ENOX1: variants seen among roughly 807,000 people sequenced by gnomAD.
ENOX1 encodes candidate growth-related and time keeping constitutive hydroquinone (NADH) oxidase.
A neutral mutation model predicts 82.5 loss-of-function variants in ENOX1; 42 were observed. The observed-to-expected ratio is 0.51, with a 90% CI of 0.40 to 0.66. The LOEUF (loss-of-function observed/expected upper bound fraction) is 0.66, where lower values mean the gene tolerates loss of function less well. ENOX1 is among the 30% of genes least tolerant of loss of function. The pLI is 0.00. For missense variants in ENOX1, 608 were observed against 811.6 expected (o/e 0.75, Z 3.05); for synonymous variants, 271 against 282.2 (o/e 0.96, Z 0.40).
intron 11 of ENOX1, among the ~76,000 whole-genome samples, chr13:43,314,680 T>C (rs985107882): frequency 1.3e-5 from 2 of 152,244 alleles, no homozygotes; most frequent in African/African-American, 4.8e-5. Flanking sequence ...TGTCCTACTT[T>C]AACAATGTTA....
intron 2 of ENOX1, chr13:43,545,892 C>G (rs952571567): frequency 5.9e-5 from 9 of 152,204 alleles, no homozygotes; most frequent in African/African-American, 2.2e-4. Flanking sequence ...CTACACAGAC[C>G]TCTGATAGGT....
At position 43,412,068 on chromosome 13, in the gene ENOX1, A is replaced by G. The variant is rs114446647; in HGVS notation, c.71-15T>C. On this transcript the variant is annotated splice_polypyrimidine_tract_variant and intron_variant, in intron 4 of 16. Coordinates refer to ENST00000690772, the MANE Select transcript of ENOX1 (RefSeq NM_001347969.2). ...ACCATCGGCTGCTGTGGGGAAAAAC[A>G]AACCATGATTTAGAGTCCATAGGCA... 822 of 1,612,394 alleles carry G rather than the reference A, an allele frequency of 5.1e-4. 5 individuals carry two copies. In the African/African-American group the frequency reaches 9.9e-3, roughly 19 times the overall value.
intron 3 of ENOX1, among the ~76,000 whole-genome samples, chr13:43,418,464 G>C (rs1007494569): frequency 2.6e-5 from 4 of 151,762 alleles, no homozygotes; most frequent in African/African-American, 9.7e-5. Context: ...GAAGGCAGAG[G>C]TTGCAGTGAG....
chr13:43,445,225 A>G (rs9533488), intron 3 of ENOX1, among the ~76,000 whole-genome samples: 89,544 of 150,170 alleles, frequency 0.6, 28,769 homozygotes, highest in Non-Finnish European at 0.74. Context: ...CTGGGTTCAC[A>G]CCATTCTCCT....
At position 43,579,129 on chromosome 13, in the gene ENOX1, CA is replaced by C. The variant is rs546742256; in HGVS notation, c.-219+88349del. Among the ~76,000 whole-genome samples the C allele has an allele frequency of 6.1e-4, 92 of 151,978 alleles. 1 individual carries two copies. In the South Asian group the frequency reaches 0.019, roughly 32 times the overall value. On this transcript the variant is annotated intron_variant, in intron 2 of 16. Transcript: ENST00000690772. ...TATGTCATAGGGTTGCTTGAAGACTCAAAGTGTAGAGAATAGTGTCTGGGAC... is the reference window on the plus strand; with the variant it reads ...TATGTCATAGGGTTGCTTGAAGACTCAAGTGTAGAGAATAGTGTCTGGGAC...
chr13:43,386,717 T>C (rs2052434776), intron 5 of ENOX1, among the ~76,000 whole-genome samples: 1 of 152,224 alleles, frequency 6.6e-6, no homozygotes, highest in South Asian at 2.1e-4. Context: ...AATATGATTG[T>C]CTTGGGGATT....
chr13:43,474,651 CT>C (rs2058206690), intron 3 of ENOX1, among the ~76,000 whole-genome samples: 1 of 152,136 alleles, frequency 6.6e-6, no homozygotes, highest in African/African-American at 2.4e-5. Flanking sequence ...CCTACACTTA[CT>C]TTTCTCACTC....
intron 1 of ENOX1, among the ~76,000 whole-genome samples, chr13:43,688,637 G>A (rs2153802173): frequency 6.6e-6 from 1 of 152,296 alleles, no homozygotes; most frequent in East Asian, 1.9e-4. Context: ...CAAGGCTAGG[G>A]CATGCCAACT....
intron 2 of ENOX1, among the ~76,000 whole-genome samples, chr13:43,571,389 T>C (rs2080170300): frequency 6.6e-6 from 1 of 152,040 alleles, no homozygotes; most frequent in East Asian, 1.9e-4. Flanking sequence ...CTTAAAACCT[T>C]AAAAGTAGGC....
chr13:43,268,707 A>G (rs1002534314), intron 13 of ENOX1, among the ~76,000 whole-genome samples: 2 of 152,234 alleles, frequency 1.3e-5, no homozygotes, highest in South Asian at 2.1e-4. Context: ...ATTTAAAACA[A>G]TCTGCATTTG....
At chr13:43,684,201 C>T (rs766745106) in intron 1 of ENOX1, among the ~76,000 whole-genome samples, 4 of 151,756 alleles carry the variant, frequency 2.6e-5, no homozygotes, top group Non-Finnish European at 5.9e-5. Flanking sequence ...CTATTTTAGC[C>T]GTTTATGAAA....
chr13:43,344,879 T>A (rs1257284006), intron 8 of ENOX1, 129 bp from the exon 9 acceptor site: 3 of 850,478 alleles, frequency 3.5e-6, no homozygotes, highest in Non-Finnish European at 5.4e-6. Context: ...CAAGTTAGCT[T>A]TCCTGAGACT....
chr13:43,549,952 A>G (rs2079121502), intron 2 of ENOX1, among the ~76,000 whole-genome samples: 1 of 152,198 alleles, frequency 6.6e-6, no homozygotes, highest in Admixed American at 6.5e-5. Flanking sequence ...AGTTTTGTGG[A>G]TGACAATTTT....
intron 2 of ENOX1, among the ~76,000 whole-genome samples, chr13:43,640,075 A>G (rs2083571863): frequency 6.6e-6 from 1 of 152,202 alleles, no homozygotes; most frequent in African/African-American, 2.4e-5. Flanking sequence ...TGATATTATT[A>G]TATAAGAAAT....
intron 1 of ENOX1, among the ~76,000 whole-genome samples, chr13:43,693,647 G>GTT (rs2086485064): frequency 6.6e-6 from 1 of 152,116 alleles, no homozygotes; most frequent in Non-Finnish European, 1.5e-5. Flanking sequence ...CTGAAAGTTT[G>GTT]CCCATCTTTT....
At chr13:43,356,342 A>G (rs2050156048) in intron 7 of ENOX1, among the ~76,000 whole-genome samples, 190 bp from the exon 8 acceptor site, 2 of 152,180 alleles carry the variant, frequency 1.3e-5, no homozygotes, top group South Asian at 2.1e-4. Flanking sequence ...AGTTAGGCCT[A>G]TTACAGGTTT....
chr13:43,318,251 ATATT>A (rs2047623088), intron 11 of ENOX1, among the ~76,000 whole-genome samples: 1 of 152,196 alleles, frequency 6.6e-6, no homozygotes, highest in Admixed American at 6.5e-5. Context: ...CACTCATCAA[ATATT>A]GGGTGAGGTA....
At chr13:43,552,121 C>T (rs2079223397) in intron 2 of ENOX1, among the ~76,000 whole-genome samples, 1 of 151,906 alleles carries the variant, frequency 6.6e-6, no homozygotes, top group Non-Finnish European at 1.5e-5. Flanking sequence ...CTTTGAGAGC[C>T]CTGACTTAAG....
chr13:43,526,943 C>T (rs989583651), intron 2 of ENOX1, among the ~76,000 whole-genome samples: 6 of 152,026 alleles, frequency 3.9e-5, no homozygotes, highest in Non-Finnish European at 7.4e-5. Context: ...GCCCTTCTGC[C>T]GTGTGAAGAC....
Sources: gnomAD v4.1 joint callset for allele counts (sites outside exome capture counted in the v4.1 genomes callset) on GRCh38, gnomAD v4.1.1 for gene constraint, MANE v1.5 for transcripts, NCBI Gene and HGNC (gene_info 2026-07-23, HGNC 2026-07-21) for gene names.